RALYL: variants seen among roughly 807,000 people sequenced by gnomAD.
The protein encoded by RALYL is RNA-binding Raly-like protein.
In RALYL, 29 loss-of-function variants were observed where a neutral mutation model predicts 35.1. The ratio of observed to expected loss-of-function variants is 0.83; its 90% CI spans 0.61 to 1.13. RALYL has a LOEUF of 1.13. Among genes scored for constraint, RALYL ranks in the 50% most tolerant of loss-of-function variants. RALYL has a pLI of 0.00. For missense variants in RALYL, 359 were observed against 360.4 expected (o/e 1.00, Z 0.03); for synonymous variants, 120 against 127.6 (o/e 0.94, Z 0.40).
At chr8:84,866,521 A>G (rs1266412072) in intron 6 of RALYL, among the ~76,000 whole-genome samples, 1 of 152,168 alleles carries the variant, frequency 6.6e-6, no homozygotes, top group Non-Finnish European at 1.5e-5. Flanking sequence ...CTAGAATCCA[A>G]TAGTGCCTCA....
At chr8:84,844,287 C>G (rs1311064725) in intron 4 of RALYL, among the ~76,000 whole-genome samples, 2 of 152,154 alleles carry the variant, frequency 1.3e-5, no homozygotes, top group Non-Finnish European at 2.9e-5. Context: ...AAACAAACAA[C>G]CTCATCAAAA....
intron 7 of RALYL, among the ~76,000 whole-genome samples, chr8:84,885,172 A>C (rs1052737562): frequency 2.0e-5 from 3 of 152,116 alleles, no homozygotes; most frequent in East Asian, 3.9e-4. Context: ...GAGCACAATG[A>C]ATGATATGTG....
intron 2 of RALYL, among the ~76,000 whole-genome samples, chr8:84,597,795 T>C (rs901807994): frequency 1.3e-5 from 2 of 152,194 alleles, no homozygotes; most frequent in Non-Finnish European, 2.9e-5. Flanking sequence ...CGTTTCTTTA[T>C]GTCCTGTCCA....
At chr8:84,644,134 G>A (rs1158127334) in intron 2 of RALYL, among the ~76,000 whole-genome samples, 3 of 151,986 alleles carry the variant, frequency 2.0e-5, no homozygotes, top group African/African-American at 7.2e-5. Flanking sequence ...ATATTTCAAG[G>A]CTATAGCTTA....
chr8:84,569,650 A>C (rs993806085), intron 2 of RALYL, among the ~76,000 whole-genome samples: 23 of 151,926 alleles, frequency 1.5e-4, no homozygotes, highest in African/African-American at 5.3e-4. Context: ...CTTCATTATA[A>C]ATTCTTTGCC....
Position 84,895,659 on chromosome 8 carries a change from C to T in RALYL, c.858+7883C>T, listed in dbSNP as rs531545086. On this transcript the variant is annotated intron_variant, in intron 8 of 8. Transcript: ENST00000521268. ...TCCCGAGTAGCTGGGATTACAGGCA[C>T]CCACCACCACGCCTGGCTAATTTTT... 8.5e-5 allele frequency among the ~76,000 whole-genome samples: 13 copies of T among 152,126 alleles called. No individual in the cohort carries two copies. In the South Asian group the frequency reaches 2.5e-3, roughly 29 times the overall value.
chr8:84,447,825 G>C (rs1048519541), intron 1 of RALYL, among the ~76,000 whole-genome samples: 7 of 151,936 alleles, frequency 4.6e-5, no homozygotes, highest in Non-Finnish European at 7.4e-5. Flanking sequence ...TTATGTGTTT[G>C]TTCATTAAAG....
chr8:84,740,942 G>T (rs147172050), intron 2 of RALYL, among the ~76,000 whole-genome samples: 1 of 152,018 alleles, frequency 6.6e-6, no homozygotes, highest in East Asian at 1.9e-4. Context: ...TTATAATTAC[G>T]CACTTTTGTA....
At chr8:84,638,331 TA>T (rs1309832234) in intron 2 of RALYL, among the ~76,000 whole-genome samples, 1 of 151,938 alleles carries the variant, frequency 6.6e-6, no homozygotes, top group Non-Finnish European at 1.5e-5. Flanking sequence ...GCAAATTTCA[TA>T]GCCTTAAATA....
chr8:84,256,874 C>G (rs1223361297), intron 1 of RALYL, among the ~76,000 whole-genome samples: 1 of 151,942 alleles, frequency 6.6e-6, no homozygotes, highest in Admixed American at 6.6e-5. Context: ...GCTTCTGTCC[C>G]CTGATCCATA....
intron 2 of RALYL, among the ~76,000 whole-genome samples, chr8:84,675,865 C>T (rs554851478): frequency 2.6e-5 from 4 of 152,140 alleles, no homozygotes; most frequent in East Asian, 1.9e-4. Flanking sequence ...CAAAATTGCA[C>T]GTGTACTGCG....
At chr8:84,431,369 G>A (rs186984704) in intron 1 of RALYL, among the ~76,000 whole-genome samples, 199 of 151,308 alleles carry the variant, frequency 1.3e-3, no homozygotes, top group African/African-American at 3.6e-3. Context: ...TTTTTTTTTC[G>A]TTCATGGCCA....
chr8:84,514,529 A>G (rs1287730402), intron 1 of RALYL, among the ~76,000 whole-genome samples: 4 of 152,126 alleles, frequency 2.6e-5, no homozygotes, highest in Non-Finnish European at 4.4e-5. Context: ...AAAGTTGTGT[A>G]CTCACACAGT....
chr8:84,357,408 G>T (rs1852055119), intron 1 of RALYL, among the ~76,000 whole-genome samples: 1 of 151,852 alleles, frequency 6.6e-6, no homozygotes, highest in Admixed American at 6.6e-5. Flanking sequence ...TAAATTAAAG[G>T]TTACTCTGTA....
At chr8:84,403,524 G>GGTTTTTTTTTTTTTTTT (rs2043141786) in intron 1 of RALYL, among the ~76,000 whole-genome samples, 1 of 39,426 alleles carries the variant, frequency 2.5e-5, no homozygotes, top group African/African-American at 6.9e-5. Context: ...CTATATCTCT[G>GGTTTTTTTTTTTTTTTT]TTTTTTTTTT....
chr8:84,380,106 T>C (rs1857677460), intron 1 of RALYL, among the ~76,000 whole-genome samples: 1 of 151,492 alleles, frequency 6.6e-6, no homozygotes, highest in Non-Finnish European at 1.5e-5. Context: ...TCTTAAACTG[T>C]AGAAAGAGCA....
chr8:84,668,688 A>G (rs926603506), intron 2 of RALYL, among the ~76,000 whole-genome samples: 5 of 152,144 alleles, frequency 3.3e-5, no homozygotes, highest in African/African-American at 9.7e-5. Flanking sequence ...TGGTGAGTGG[A>G]TGTGAGGAAA....
chr8:84,430,975 G>A (rs2132678351), intron 1 of RALYL, among the ~76,000 whole-genome samples: 1 of 152,234 alleles, frequency 6.6e-6, no homozygotes, highest in African/African-American at 2.4e-5. Context: ...TGTTATGTGA[G>A]GTTTGTCACT....
chr8:84,290,136 A>G (rs547675068), intron 1 of RALYL, among the ~76,000 whole-genome samples: 4 of 152,350 alleles, frequency 2.6e-5, no homozygotes, highest in African/African-American at 9.6e-5. Context: ...TGATAAGCAA[A>G]ACTATCATGA....
Sources: allele counts gnomAD v4.1 joint callset (sites outside exome capture counted in the v4.1 genomes callset), GRCh38; gene constraint gnomAD v4.1.1; transcripts MANE v1.5; gene names NCBI Gene and HGNC (gene_info 2026-07-23, HGNC 2026-07-21).